Variants in STK33 observed in about 807,000 individuals in gnomAD.
STK33 encodes the protein serine/threonine-protein kinase 33.
STK33 carries 52 observed loss-of-function variants against 58.0 expected under a neutral mutation model. The observed-to-expected ratio is 0.90, with a 90% CI of 0.72 to 1.13. The LOEUF (loss-of-function observed/expected upper bound fraction) is 1.13. Ranked by LOEUF, STK33 falls within the 50% of genes most tolerant of loss-of-function variation. STK33 has a pLI of 0.00. For missense variants in STK33, 630 were observed against 604.2 expected, an observed-to-expected ratio of 1.04 and a Z score of -0.45; for synonymous variants, 215 against 200.1, an observed-to-expected ratio of 1.07 and a Z score of -0.63.
At chr11:8,355,532 T>TC in the STK33 span, among the ~76,000 whole-genome samples, 1 of 152,182 alleles carries the variant, frequency 6.6e-6, no homozygotes, top group South Asian at 2.1e-4. Context: ...CCCTGTCCTC[T>TC]CCATCTACAA....
chr11:8,459,916 C>T (rs1947314674), intron 8 of STK33, among the ~76,000 whole-genome samples: 1 of 152,202 alleles, frequency 6.6e-6, no homozygotes, highest in South Asian at 2.1e-4. Flanking sequence ...GGAACAATCA[C>T]TGGAGCTTAC....
At chr11:8,460,905 CAAGCAT>C (rs1203540966) in intron 8 of STK33, among the ~76,000 whole-genome samples, 1 of 152,248 alleles carries the variant, frequency 6.6e-6, no homozygotes, top group East Asian at 1.9e-4. Context: ...CCTAATGAAT[CAAGCAT>C]AAGGCACAAC....
intron 12 of STK33, among the ~76,000 whole-genome samples, chr11:8,440,368 C>A (rs1003788268): frequency 6.6e-6 from 1 of 152,078 alleles, no homozygotes; most frequent in Non-Finnish European, 1.5e-5. Flanking sequence ...CATGAGAAAA[C>A]ACAAAGAAGC....
chr11:8,337,006 G>T, the STK33 span, among the ~76,000 whole-genome samples: 8 of 152,248 alleles, frequency 5.3e-5, no homozygotes, highest in African/African-American at 1.7e-4. Flanking sequence ...CCAGGCCCAG[G>T]CCTCAATCGT....
intron 8 of STK33, among the ~76,000 whole-genome samples, chr11:8,461,416 T>C (rs1947505336): frequency 6.6e-6 from 1 of 152,184 alleles, no homozygotes; most frequent in Admixed American, 6.5e-5. Flanking sequence ...AATATACCCA[T>C]ACCAATTTGA....
At chr11:8,348,550 T>A in the STK33 span, among the ~76,000 whole-genome samples, 1 of 152,202 alleles carries the variant, frequency 6.6e-6, no homozygotes, top group Non-Finnish European at 1.5e-5. Flanking sequence ...GTGGGGATTA[T>A]GGGAACTACA....
intron 1 of STK33, among the ~76,000 whole-genome samples, chr11:8,547,749 C>A (rs1011179048): frequency 6.6e-6 from 1 of 152,112 alleles, no homozygotes; most frequent in African/African-American, 2.4e-5. Context: ...TCTATTTTCG[C>A]TTTTGTTGCC....
intron 14 of STK33, among the ~76,000 whole-genome samples, chr11:8,430,983 C>T (rs1943357109): frequency 6.6e-6 from 1 of 151,476 alleles, no homozygotes; most frequent in South Asian, 2.1e-4. Context: ...TCTCCTGCCT[C>T]AGCCTCCCAA....
intron 12 of STK33, 101 bp downstream of exon 12, chr11:8,440,577 A>G (rs1944611312): frequency 9.5e-7 from 1 of 1,057,156 alleles, no homozygotes; most frequent in South Asian, 2.6e-5. Flanking sequence ...TTTTTAAATC[A>G]CTTTTTAAAA....
chr11:8,438,284 C>G (rs1362124339), intron 12 of STK33, among the ~76,000 whole-genome samples: 1 of 152,092 alleles, frequency 6.6e-6, no homozygotes, highest in African/African-American at 2.4e-5. Flanking sequence ...ATCCAAGACA[C>G]GAAAAATATC....
the STK33 span, among the ~76,000 whole-genome samples, chr11:8,348,460 C>T: frequency 6.6e-6 from 1 of 152,270 alleles, no homozygotes; most frequent in South Asian, 2.1e-4. Context: ...TGAGAACTCA[C>T]TCACTATCAG....
At chr11:8,412,025 G>A (rs1451822460) in intron 15 of STK33, among the ~76,000 whole-genome samples, 1 of 152,100 alleles carries the variant, frequency 6.6e-6, no homozygotes, top group South Asian at 2.1e-4. Flanking sequence ...GAAGACATTT[G>A]GTTCGCAAGC....
chr11:8,487,624 G>A (rs76054310), intron 1 of STK33, among the ~76,000 whole-genome samples: 5 of 152,182 alleles, frequency 3.3e-5, no homozygotes, highest in African/African-American at 1.2e-4. Context: ...AATGGAAACG[G>A]TGTCCATAAA....
chr11:8,592,150 T>A (rs769367431), intron 1 of STK33, among the ~76,000 whole-genome samples: 1 of 152,166 alleles, frequency 6.6e-6, no homozygotes, highest in African/African-American at 2.4e-5. Context: ...GGAAACAGAC[T>A]ATGAAACAGT....
At chr11:8,407,687 AG>A (rs890450916) in intron 15 of STK33, among the ~76,000 whole-genome samples, 2 of 151,250 alleles carry the variant, frequency 1.3e-5, no homozygotes, top group African/African-American at 4.9e-5. Flanking sequence ...AGAAAAAAAA[AG>A]ATTAAAAAAT....
the STK33 span, among the ~76,000 whole-genome samples, chr11:8,377,448 C>G: frequency 6.6e-6 from 1 of 152,172 alleles, no homozygotes; most frequent in Non-Finnish European, 1.5e-5. Flanking sequence ...TCTCAACAAA[C>G]TAGCCATTGA....
chr11:8,345,498 C>T, the STK33 span, among the ~76,000 whole-genome samples: 9 of 152,214 alleles, frequency 5.9e-5, no homozygotes, highest in Non-Finnish European at 1.2e-4. Context: ...CGGATCTTCA[C>T]GGAGCTAACG....
chr11:8,561,055 C>T (rs1031505946), intron 1 of STK33, among the ~76,000 whole-genome samples: 1 of 152,116 alleles, frequency 6.6e-6, no homozygotes, highest in Non-Finnish European at 1.5e-5. Context: ...AATTTTAGAG[C>T]CTTTACATTT....
the STK33 span, among the ~76,000 whole-genome samples, chr11:8,338,085 C>A: frequency 2.6e-5 from 4 of 152,226 alleles, no homozygotes; most frequent in Non-Finnish European, 4.4e-5. Flanking sequence ...GGGGCTTCTG[C>A]CCCTTTTGTT....
Sources: allele counts gnomAD v4.1 joint callset (sites outside exome capture counted in the v4.1 genomes callset), GRCh38; gene constraint gnomAD v4.1.1; transcripts MANE v1.5; gene names NCBI Gene and HGNC (gene_info 2026-07-23, HGNC 2026-07-21).